Variants in MMP10 observed in about 807,000 individuals in gnomAD.
The protein encoded by MMP10 is matrix metallopeptidase 10, also known as stromelysin-2.
A neutral mutation model predicts 49.1 loss-of-function variants in MMP10; 50 were observed. The observed-to-expected ratio is 1.02, with a 90% CI of 0.81 to 1.29. The LOEUF is 1.29. Ranked by LOEUF, MMP10 falls within the 50% of genes most tolerant of loss-of-function variation. The probability of loss-of-function intolerance (pLI) is 0.00; values close to 1 mark genes in which losing one functional copy is unlikely to be tolerated. For missense variants in MMP10, 613 were observed against 563.8 expected (o/e 1.09, Z -0.88); for synonymous variants, 229 against 201.6 (o/e 1.14, Z -1.15).
chr11:102,774,949 A>T (rs892509161), intron 7 of MMP10, among the ~76,000 whole-genome samples: 1 of 152,194 alleles, frequency 6.6e-6, no homozygotes, highest in Non-Finnish European at 1.5e-5. Context: ...AATGTCTTGT[A>T]TCTATAGATA....
rs142147520 is a variant in MMP10, at chr11:102,776,390, C to T, written c.822G>A (p.Val274=). Residue 274 remains valine, a synonymous_variant, in exon 6 of 10, where the codon GTG becomes GTA. Coordinates refer to ENST00000279441, the MANE Select transcript of MMP10 (RefSeq NM_002425.3). ...PPPASTEEPL[V]PTKSVPSGSE... ...ATCCCGAAGGAACAGATTTTGTGGGCACCAGGGGTTCCTCAGTAGAGGCAG... is the reference window on the plus strand; with the variant it reads ...ATCCCGAAGGAACAGATTTTGTGGGTACCAGGGGTTCCTCAGTAGAGGCAG... 5.6e-6 allele frequency: 9 copies of T among 1,613,744 alleles called. No homozygotes were observed. In the African/African-American group the frequency reaches 1.2e-4, roughly 22 times the overall value.
intron 3 of MMP10, 97 bp downstream of exon 3, chr11:102,779,116 A>C: frequency 4.0e-6 from 6 of 1,515,838 alleles, no homozygotes; most frequent in Non-Finnish European, 4.4e-6. Flanking sequence ...GTGAGCAATA[A>C]ATTTCTGTTG....
rs546963558 is a variant in MMP10 at position 102,778,848 on chromosome 11, T to C, written c.497-99A>G. The C allele has an allele frequency of 2.1e-6, 3 of 1,412,552 alleles. No individual in the cohort carries two copies. The East Asian group carries it at 6.9e-5, about 33-fold the overall frequency. 87.5% of individuals were successfully genotyped at this position (1,412,552 alleles called of 1,614,324 possible). On this transcript the variant is annotated intron_variant, in intron 3 of 9. Coordinates refer to ENST00000279441, the MANE Select transcript of MMP10 (RefSeq NM_002425.3). ...AGATTCTATAGTCTGAATGTTGGTG[T>C]CTGCTGCAAATTCATATGTTGAAAC...
Position 102,779,515 on chromosome 11 carries a change from G to A in MMP10, c.336C>T (p.His112=), listed in dbSNP as rs17860949. 204,546 of 1,613,780 alleles carry A rather than the reference G, an allele frequency of 0.13. 13,421 individuals are homozygous for A. Among genetic ancestry groups the A allele is most frequent in the African/African-American group, 0.14 (10,627 of 74,994 alleles). Residue 112 remains histidine (H), a synonymous_variant, in exon 2 of 10, where the codon CAC becomes CAT. Coordinates refer to ENST00000279441, the MANE Select transcript of MMP10 (RefSeq NM_002425.3). ...ATCTGAACCATTACCTGTATGTAAG[G>A]TGGGTTTTCCTCCACTTCGGCATGC... ...FPGMPKWRKT[H]LTYRIVNYTP... is the part of the protein sequence containing the mutation.
Position 102,779,346 on chromosome 11 carries a change from TGTATAATTCACAATCCTGGA to T in MMP10, c.348-5_362del, listed in dbSNP as rs754015633. 2.4e-5 allele frequency: 39 copies of T among 1,614,018 alleles called. No homozygotes were observed. Among genetic ancestry groups the T allele is most frequent in the Non-Finnish European group, 3.2e-5 (38 of 1,180,008 alleles). ...CAACAGCATCTCTTGGCAAATCTGG[TGTATAATTCACAATCCTGGA>T]GGAGAAAAATTGAAGAGGATGTTAT... is the stretch of plus-strand genomic sequence containing the variant. On this transcript the variant is annotated splice_acceptor_variant and splice_polypyrimidine_tract_variant and coding_sequence_variant and intron_variant, in exon 3 of 10. Coordinates refer to ENST00000279441, the MANE Select transcript of MMP10 (RefSeq NM_002425.3). LOFTEE classifies it high-confidence loss of function.
chr11:102,778,727 A>C lies in MMP10; in HGVS notation c.519T>G (p.Phe173Leu). The C allele has an allele frequency of 1.9e-6, 3 of 1,613,900 alleles. No homozygotes were observed. The highest frequency in any genetic ancestry group is 2.5e-6 in the Non-Finnish European group (3 of 1,179,934). Residue 173 changes from phenylalanine (F) to leucine (L), a missense_variant, in exon 4 of 10, where the codon TTT becomes TTG. Coordinates refer to ENST00000279441, the MANE Select transcript of MMP10 (RefSeq NM_002425.3). ...GAGCCAAACTGTGTCCTGGGCCATC[A>C]AAAGAGTAAAAGTCTCCATGTTCTG... ...AVKEHGDFYS[F>L]DGPGHSLAHA...
At chr11:102,776,477 T>C in intron 5 of MMP10, 53 bp from the exon 6 acceptor site, 19 of 1,594,570 alleles carry the variant, frequency 1.2e-5, no homozygotes, top group Non-Finnish European at 1.6e-5. Flanking sequence ...GTGATGCATC[T>C]GTCAATTTGT....
rs1173505386 is a variant in MMP10 at position 102,770,749 on chromosome 11, T to C, written c.*44A>G. The stretch of plus-strand genomic sequence containing the variant: ...CATAATACATTAGATGAATAATTAT[T>C]AGATTTATTAAAAACACCCATATCT... On this transcript the variant is annotated 3_prime_UTR_variant, in exon 10 of 10. Coordinates refer to ENST00000279441, the MANE Select transcript of MMP10 (RefSeq NM_002425.3). The C allele has an allele frequency of 7.9e-7, 1 of 1,262,638 alleles. No homozygotes were observed. Among genetic ancestry groups the C allele is most frequent in the African/African-American group, 1.5e-5 (1 of 65,678 alleles). The allele number at this position is 1,262,638 out of a possible 1,614,324, so 78.2% of individuals were successfully genotyped here. A position where few individuals can be genotyped will look rare whatever the true frequency, so the allele number is the denominator to read the frequency against.
chr11:102,771,433 C>G (rs1334738514), intron 9 of MMP10, among the ~76,000 whole-genome samples: 7 of 152,162 alleles, frequency 4.6e-5, no homozygotes, highest in Non-Finnish European at 1.5e-5. Context: ...ATTGGATTGT[C>G]AAGCACTGGC....
intron 3 of MMP10, 139 bp downstream of exon 3, chr11:102,779,074 C>G (rs1857785883): frequency 7.9e-7 from 1 of 1,261,340 alleles, no homozygotes; most frequent in Non-Finnish European, 1.1e-6. Context: ...TCTGCTGGCA[C>G]CTTAATCTTG....
rs1052325284 is a variant in MMP10 at position 102,779,498 on chromosome 11, C to G, written c.347+6G>C. The G allele has an allele frequency of 4.3e-6, 7 of 1,613,776 alleles. No individual in the cohort carries two copies. The African/African-American group carries it at 9.3e-5, about 22-fold the overall frequency. ...ATATTATGTGAAAACTAATCTGAAC[C>G]ATTACCTGTATGTAAGGTGGGTTTT... On this transcript the variant is annotated splice_donor_region_variant and intron_variant, in intron 2 of 9. Transcript: ENST00000279441.
rs1049872685 is a variant in MMP10 at position 102,772,773 on chromosome 11, G to A, written c.1226+74C>T. The A allele has an allele frequency of 9.4e-6, 14 of 1,486,600 alleles. No homozygotes were observed. Among genetic ancestry groups the A allele is most frequent in the African/African-American group, 1.4e-5 (1 of 71,486 alleles). The allele number at this position is 1,486,600 out of a possible 1,614,324, so 92.1% of individuals were successfully genotyped here. A position where few individuals can be genotyped will look rare whatever the true frequency, so the allele number is the denominator to read the frequency against. On this transcript the variant is annotated intron_variant, in intron 8 of 9. Transcript: ENST00000279441. The surrounding 1 kb of genome is among the most constrained non-coding windows in gnomAD (Gnocchi z 4.4). ...AAAGTTAGAGGGTGGGTGTAGGGTA[G>A]GGAAATATCCTTAAAGAAAGAAAAT...
chr11:102,772,116 C>G lies in MMP10; in HGVS notation c.1227-1G>C, dbSNP rs747920075. 3.8e-6 allele frequency: 6 copies of G among 1,583,746 alleles called. No individual in the cohort carries two copies. The highest frequency in any genetic ancestry group is 5.2e-6 in the Non-Finnish European group (6 of 1,153,120). ...CATGGACTGGCTATTTTCATCAAAT[C>G]TAAACCAAATGAAAGAAATACAGTT... On this transcript the variant is annotated splice_acceptor_variant, in intron 8 of 9. Coordinates refer to ENST00000279441, the MANE Select transcript of MMP10 (RefSeq NM_002425.3). LOFTEE classifies it high-confidence loss of function. This position sits in a 1 kb window ranked among gnomAD's most constrained non-coding sequence, Gnocchi z 4.4.
At position 102,772,150 on chromosome 11, in the gene MMP10, T is replaced by C. The variant is rs771313110; in HGVS notation, c.1227-35A>G. On this transcript the variant is annotated intron_variant, in intron 8 of 9. Coordinates refer to ENST00000279441, the MANE Select transcript of MMP10 (RefSeq NM_002425.3). This position sits in a 1 kb window ranked among gnomAD's most constrained non-coding sequence, Gnocchi z 4.4. ...ATGAAAGAAATACAGTTCAATGATG[T>C]GCAGTAGTCCCATTACACACAATAG... is the stretch of plus-strand genomic sequence containing the variant. 5 of 1,299,326 alleles carry C rather than the reference T, an allele frequency of 3.8e-6. No individual in the cohort carries two copies. Among genetic ancestry groups the C allele is most frequent in the East Asian group, 4.6e-5 (2 of 43,304 alleles). 80.5% of individuals were successfully genotyped at this position (1,299,326 alleles called of 1,614,324 possible). A position where few individuals can be genotyped will look rare whatever the true frequency, so the allele number is the denominator to read the frequency against.
intron 7 of MMP10, 28 bp from the exon 8 acceptor site, chr11:102,773,034 T>C (rs1219390293): frequency 6.4e-7 from 1 of 1,566,894 alleles, no homozygotes; most frequent in South Asian, 1.2e-5. Context: ...CCAAGACATT[T>C]TACTTGAAGC....
At position 102,771,527 on chromosome 11, in the gene MMP10, A is replaced by G. The variant is rs542921362; in HGVS notation, c.1330+485T>C. ...CATTACCAGGAATCACATTTGACCT[A>G]TTTTGAGCATATGGGAGGACTAGTA... On this transcript the variant is annotated intron_variant, in intron 9 of 9. Transcript: ENST00000279441. 7.2e-5 allele frequency among the ~76,000 whole-genome samples: 11 copies of G among 152,304 alleles called. No homozygotes were observed. The South Asian group carries it at 2.3e-3, about 32-fold the overall frequency.
intron 3 of MMP10, among the ~76,000 whole-genome samples, 169 bp downstream of exon 3, chr11:102,779,044 G>C (rs959462373): frequency 2.0e-5 from 3 of 152,202 alleles, no homozygotes; most frequent in African/African-American, 4.8e-5. Flanking sequence ...ATGAGGAATA[G>C]GCTCTCATCA....
Position 102,775,307 on chromosome 11 carries a change from C to G in MMP10, c.947G>C (p.Arg316Thr), listed in dbSNP as rs61751515. 60 of 1,607,458 alleles carry G rather than the reference C, an allele frequency of 3.7e-5. No individual in the cohort carries two copies. The African/African-American group carries it at 7.0e-4, about 19-fold the overall frequency. ...LFFKDRYFWR[R>T]SHWNPEPEFH... Reference sequence around the variant, plus strand: ...TTCAGGTTCAGGGTTCCAGTGGGATCTTCGCCAAAAATATCTGTAATACAT... The same window carrying G: ...TTCAGGTTCAGGGTTCCAGTGGGATGTTCGCCAAAAATATCTGTAATACAT... Residue 316 changes from arginine to threonine, a missense_variant, in exon 7 of 10, where the codon AGA becomes ACA. Transcript: ENST00000279441.
chr11:102,772,744 A>C lies in MMP10; in HGVS notation c.1226+103T>G. 20 of 1,212,572 alleles carry C rather than the reference A, an allele frequency of 1.6e-5. No individual in the cohort carries two copies. Among genetic ancestry groups the C allele is most frequent in the Non-Finnish European group, 2.1e-5 (18 of 874,272 alleles). 75.1% of individuals were successfully genotyped at this position (1,212,572 alleles called of 1,614,324 possible). A position where few individuals can be genotyped will look rare whatever the true frequency, so the allele number is the denominator to read the frequency against. On this transcript the variant is annotated intron_variant, in intron 8 of 9. Coordinates refer to ENST00000279441, the MANE Select transcript of MMP10 (RefSeq NM_002425.3). This position sits in a 1 kb window ranked among gnomAD's most constrained non-coding sequence, Gnocchi z 4.4. ...CCTCATAATCATAAATTTTGAAGTT[A>C]GAGAAAGTTAGAGGGTGGGTGTAGG...
Sources: allele counts gnomAD v4.1 joint callset (sites outside exome capture counted in the v4.1 genomes callset), GRCh38; gene constraint gnomAD v4.1.1; non-coding constraint Gnocchi (gnomAD v3.1); transcripts MANE v1.5; gene names NCBI Gene and HGNC (gene_info 2026-07-23, HGNC 2026-07-21).